MSI2: variants seen among roughly 807,000 people sequenced by gnomAD.
The protein encoded by MSI2 is RNA-binding protein Musashi homolog 2.
MSI2 carries 17 observed loss-of-function variants against 45.6 expected under a neutral mutation model. The observed-to-expected ratio is 0.37, with a 90% CI of 0.26 to 0.56. The LOEUF is 0.56. MSI2 is among the 20% of genes least tolerant of loss of function. The pLI, the probability that MSI2 is intolerant of heterozygous loss-of-function variation, is 0.77. For synonymous variants in MSI2, 156 were observed against 158.2 expected (o/e 0.99, Z 0.11); for missense variants, 293 against 444.2 (o/e 0.66, Z 3.06).
chr17:57,492,172 C>T (rs557940056), intron 6 of MSI2, among the ~76,000 whole-genome samples: 1 of 152,116 alleles, frequency 6.6e-6, no homozygotes, highest in South Asian at 2.1e-4. Context: ...TCTAGTAAAG[C>T]GAGGCATCGT....
Position 57,675,006 on chromosome 17 carries a change from G to T in MSI2, c.825G>T (p.Gly275=). 6.2e-7 allele frequency: 1 copy of T among 1,613,686 alleles called. No individual in the cohort carries two copies. The highest frequency in any genetic ancestry group is 8.5e-7 in the Non-Finnish European group (1 of 1,179,874). ...CGGCGCGGCCCGGAGGCTTCCCGGG[G>T]GCCAACAGCCCAGGACCTGTCGCCG... The part of the protein sequence containing the change: ...SNPARPGGFP[G]ANSPGPVADL... Residue 275 remains glycine (G), a synonymous_variant, in exon 12 of 14, where the codon GGG becomes GGT. Coordinates refer to ENST00000284073, the MANE Select transcript of MSI2 (RefSeq NM_138962.4).
intron 5 of MSI2, among the ~76,000 whole-genome samples, chr17:57,273,403 C>G (rs1908540613): frequency 6.6e-6 from 1 of 151,912 alleles, no homozygotes; most frequent in African/African-American, 2.4e-5. Flanking sequence ...CATTGTTTTT[C>G]CCTGCAGTAC....
chr17:57,375,695 A>G (rs2083484117), intron 5 of MSI2, among the ~76,000 whole-genome samples: 1 of 152,230 alleles, frequency 6.6e-6, no homozygotes, highest in Non-Finnish European at 1.5e-5. Context: ...GAATGGAGGC[A>G]CAGAGGCCAC....
chr17:57,413,474 G>A (rs2084235410), intron 6 of MSI2, among the ~76,000 whole-genome samples: 2 of 151,896 alleles, frequency 1.3e-5, no homozygotes, highest in African/African-American at 4.9e-5. Flanking sequence ...GGATCCTTCT[G>A]ATGAACACTC....
At position 57,441,339 on chromosome 17, in the gene MSI2, C is replaced by A. The variant is rs993466529; in HGVS notation, c.405+39868C>A. Among the ~76,000 whole-genome samples the A allele has an allele frequency of 2.0e-5, 3 of 152,194 alleles. No individual in the cohort carries two copies. The East Asian group carries it at 5.8e-4, about 29-fold the overall frequency. On this transcript the variant is annotated intron_variant, in intron 6 of 13. Coordinates refer to ENST00000284073, the MANE Select transcript of MSI2 (RefSeq NM_138962.4). Reference sequence around the variant, plus strand: ...TATGAACTCTGGTCCACCCCTCTTGCCTCTCCTAAATCCCTTGGGAGGTGT... The same window carrying A: ...TATGAACTCTGGTCCACCCCTCTTGACTCTCCTAAATCCCTTGGGAGGTGT...
intron 6 of MSI2, among the ~76,000 whole-genome samples, chr17:57,436,201 C>G (rs185407128): frequency 6.6e-6 from 1 of 152,150 alleles, no homozygotes; most frequent in Non-Finnish European, 1.5e-5. Context: ...CGTGGGCAAG[C>G]GACTTGACCT....
At position 57,684,113 on chromosome 17, in the gene MSI2, G is replaced by C. The variant is rs2144775762; in HGVS notation, c.*4596G>C. On this transcript the variant is annotated 3_prime_UTR_variant, in exon 14 of 14. Transcript: ENST00000284073. ...CGGGAGGCAGGGGCATGATGGGGGA[G>C]GGGGCCGGAGGCTGAGAGACAAAAG... The C allele has an allele frequency of 9.1e-6, 2 of 220,986 alleles. No individual in the cohort carries two copies. The highest frequency in any genetic ancestry group is 1.4e-3 in the Middle Eastern group (1 of 714). The allele number at this position is 220,986 out of a possible 1,614,324, so 13.7% of individuals were successfully genotyped here. A position where few individuals can be genotyped will look rare whatever the true frequency, so the allele number is the denominator to read the frequency against.
chr17:57,425,098 C>T (rs74366318), intron 6 of MSI2, among the ~76,000 whole-genome samples: 5,379 of 152,124 alleles, frequency 0.035, 112 homozygotes, highest in Middle Eastern at 0.088. Context: ...CCCAGGGTGG[C>T]GGAGTGCACT....
intron 7 of MSI2, among the ~76,000 whole-genome samples, chr17:57,561,558 A>G (rs2087575845): frequency 6.6e-6 from 1 of 152,138 alleles, no homozygotes; most frequent in African/African-American, 2.4e-5. Flanking sequence ...AAGCAATAAG[A>G]ATTGTTTGCC....
chr17:57,659,312 T>A (rs1299520359), intron 11 of MSI2, among the ~76,000 whole-genome samples: 2 of 152,084 alleles, frequency 1.3e-5, no homozygotes, highest in Admixed American at 1.3e-4. Flanking sequence ...CTCAAGCTGG[T>A]CTCAAACTCC....
At chr17:57,362,491 C>T (rs1042239851) in intron 5 of MSI2, among the ~76,000 whole-genome samples, 1 of 152,196 alleles carries the variant, frequency 6.6e-6, no homozygotes, top group Non-Finnish European at 1.5e-5. Flanking sequence ...ATTCTGTTTG[C>T]CCAGTGAGTT....
At chr17:57,523,902 G>A (rs1397580535) in intron 6 of MSI2, among the ~76,000 whole-genome samples, 2 of 152,224 alleles carry the variant, frequency 1.3e-5, no homozygotes, top group South Asian at 2.1e-4. Context: ...TGAGGACCAC[G>A]TATGAGTTAC....
intron 6 of MSI2, chr17:57,432,475 C>G (rs1482866580): frequency 6.6e-6 from 1 of 152,362 alleles, no homozygotes; most frequent in East Asian, 1.9e-4. Flanking sequence ...AAGGGCTGCC[C>G]TCTCTGGAAT....
chr17:57,446,325 A>G (rs1848309844), intron 6 of MSI2, among the ~76,000 whole-genome samples: 1 of 152,108 alleles, frequency 6.6e-6, no homozygotes, highest in African/African-American at 2.4e-5. Flanking sequence ...ACAGTGAGCA[A>G]ATGAGGGGAG....
intron 6 of MSI2, among the ~76,000 whole-genome samples, chr17:57,496,571 G>T (rs933446142): frequency 2.6e-5 from 4 of 152,246 alleles, no homozygotes; most frequent in African/African-American, 7.2e-5. Context: ...TCAAAGCCAG[G>T]TGTCTGGCTG....
intron 10 of MSI2, among the ~76,000 whole-genome samples, chr17:57,647,274 CAAAA>C (rs33915774): frequency 5.3e-5 from 2 of 37,680 alleles, no homozygotes; most frequent in Non-Finnish European, 1.1e-4. Flanking sequence ...ACTAAAAATA[CAAAA>C]AAAAAAAAAA....
intron 5 of MSI2, among the ~76,000 whole-genome samples, chr17:57,343,279 G>T (rs1598147636): frequency 1.3e-5 from 2 of 151,882 alleles, no homozygotes; most frequent in East Asian, 3.9e-4. Context: ...GCAGTCCCCA[G>T]CTTTATCTAC....
intron 6 of MSI2, among the ~76,000 whole-genome samples, chr17:57,491,188 A>C (rs999054394): frequency 6.6e-6 from 1 of 152,196 alleles, no homozygotes; most frequent in African/African-American, 2.4e-5. Flanking sequence ...GAGGGGAGTT[A>C]CCTGCTTCTT....
chr17:57,540,667 CA>C (rs1177257388), intron 7 of MSI2, among the ~76,000 whole-genome samples: 6 of 152,162 alleles, frequency 3.9e-5, no homozygotes, highest in African/African-American at 1.4e-4. Flanking sequence ...GAGGCAGGGA[CA>C]GGGGCAGTGC....
Sources: gnomAD v4.1 joint callset for allele counts (sites outside exome capture counted in the v4.1 genomes callset) on GRCh38, gnomAD v4.1.1 for gene constraint, MANE v1.5 for transcripts, NCBI Gene and HGNC (gene_info 2026-07-23, HGNC 2026-07-21) for gene names.